WIPF3: variants seen among roughly 807,000 people sequenced by gnomAD.
The protein encoded by WIPF3 is WAS/WASL interacting protein family member 3.
Under a neutral mutation model 38.9 loss-of-function variants are expected in WIPF3, and 33 were observed. The observed-to-expected ratio is 0.85, with a 90% confidence interval of 0.64 to 1.14. WIPF3 has a LOEUF of 1.14. WIPF3 is among the 50% of genes most tolerant of loss of function. The probability of loss-of-function intolerance (pLI) is 0.00; values close to 1 mark genes in which losing one functional copy is unlikely to be tolerated. For missense variants in WIPF3, 711 were observed against 652.5 expected (o/e 1.09, Z -0.98); for synonymous variants, 324 against 269.3 (o/e 1.20, Z -1.99).
chr7:29,861,546 T>G (rs963488743), intron 2 of WIPF3, among the ~76,000 whole-genome samples: 1 of 152,240 alleles, frequency 6.6e-6, no homozygotes, highest in African/African-American at 2.4e-5. Flanking sequence ...TTATACTACC[T>G]TCTATTTGCC....
rs1562773463 is a variant in WIPF3, at chr7:29,834,760, T to TC, written c.38dup (p.Pro14ThrfsTer39). Reference sequence around the variant, plus strand: ...CACCGCCACCCCCACCTCCTCTGCCTCCACCTCCCCCGCCTCTGGGGGCTC... The same window carrying TC: ...CACCGCCACCCCCACCTCCTCTGCCTCCCACCTCCCCCGCCTCTGGGGGCTC... On this transcript the variant is annotated frameshift_variant, in exon 2 of 9. Transcript: ENST00000242140. LOFTEE classifies it high-confidence loss of function. 25 of 1,233,992 alleles carry TC rather than the reference T, an allele frequency of 2.0e-5. No individual in the cohort carries two copies. The highest frequency in any genetic ancestry group is 2.3e-5 in the Non-Finnish European group (22 of 957,174). The allele number at this position is 1,233,992 out of a possible 1,614,324, so 76.4% of individuals were successfully genotyped here.
intron 2 of WIPF3, among the ~76,000 whole-genome samples, chr7:29,855,432 A>G (rs541431881): frequency 4.6e-5 from 7 of 152,398 alleles, no homozygotes; most frequent in Admixed American, 2.6e-4. Flanking sequence ...ATCAATGGAC[A>G]GATATCTGCT....
chr7:29,891,168 A>C lies in WIPF3; in HGVS notation c.1351+1761A>C, dbSNP rs1303416002. Among the ~76,000 whole-genome samples the C allele has an allele frequency of 6.5e-3, 170 of 26,224 alleles. 4 individuals are homozygous for C. Among genetic ancestry groups the C allele is most frequent in the African/African-American group, 0.02 (161 of 8,178 alleles). 17.2% of individuals were successfully genotyped at this position (26,224 alleles called of 152,430 possible). A position where few individuals can be genotyped will look rare whatever the true frequency, so the allele number is the denominator to read the frequency against. On this transcript the variant is annotated intron_variant, in intron 7 of 8. Transcript: ENST00000242140. ...GCGGGCCTGCCCTGTGCTCAGGTGG[A>C]GGGGGCGCGGGCCTGCCCTGTGCTC...
rs774114027 is a variant in WIPF3, at chr7:29,884,539, C to G, written c.1045C>G (p.Pro349Ala). Residue 349 changes from proline to alanine, a missense_variant, in exon 5 of 9, where the codon CCT (proline) becomes GCT (alanine). Physicochemically the swap from Pro to Ala is conservative, Grantham distance 27. Transcript: ENST00000242140. The stretch of plus-strand genomic sequence containing the variant: ...CGGTGCGCAGGCCTTGCCCGCCCCG[C>G]CTGCCCCTCCGGGCTCCCAGCCGTT... The part of the protein sequence containing the change: ...KAGAQALPAP[P>A]APPGSQPFLQ... 2 of 1,598,904 alleles carry G rather than the reference C, an allele frequency of 1.3e-6. No individual in the cohort carries two copies. Among genetic ancestry groups the G allele is most frequent in the Non-Finnish European group, 1.7e-6 (2 of 1,174,164 alleles).
At chr7:29,807,303 C>T (rs1349964743) in intron 1 of WIPF3, among the ~76,000 whole-genome samples, 2 of 152,214 alleles carry the variant, frequency 1.3e-5, no homozygotes, top group African/African-American at 2.4e-5. Flanking sequence ...TGCTCATCTC[C>T]AAGCCCCTGG....
chr7:29,816,142 A>C (rs941598781), intron 1 of WIPF3, among the ~76,000 whole-genome samples: 3 of 152,244 alleles, frequency 2.0e-5, no homozygotes, highest in Admixed American at 2.0e-4. Context: ...CTGAGGTGGT[A>C]ATCCTGAACT....
intron 7 of WIPF3, among the ~76,000 whole-genome samples, chr7:29,892,047 C>T (rs1314552285): frequency 6.6e-6 from 1 of 152,202 alleles, no homozygotes; most frequent in Non-Finnish European, 1.5e-5. Context: ...ATATAACACC[C>T]CTTTCCCCAT....
intron 7 of WIPF3, among the ~76,000 whole-genome samples, chr7:29,901,869 A>G (rs1786288089): frequency 6.6e-6 from 1 of 151,798 alleles, no homozygotes; most frequent in Admixed American, 6.6e-5. Flanking sequence ...AAAGAAAAGA[A>G]AGAAAACCAG....
intron 8 of WIPF3, among the ~76,000 whole-genome samples, chr7:29,913,802 A>G (rs368115341): frequency 1.3e-5 from 2 of 152,322 alleles, no homozygotes; most frequent in South Asian, 2.1e-4. Flanking sequence ...TAGAATCTCC[A>G]GGGACAAGAA....
At chr7:29,824,017 C>G (rs1253777368) in intron 1 of WIPF3, among the ~76,000 whole-genome samples, 1 of 152,202 alleles carries the variant, frequency 6.6e-6, no homozygotes, top group African/African-American at 2.4e-5. Flanking sequence ...CAGACTAATA[C>G]ACCAAGGCAG....
In WIPF3 at chr7:29,823,412, T is replaced by C. The variant is rs569940242; in HGVS notation, c.-57-11256T>C. Among the ~76,000 whole-genome samples, 3 of 152,240 alleles carry C rather than the reference T, an allele frequency of 2.0e-5. No homozygotes were observed. Among genetic ancestry groups the C allele is most frequent in the South Asian group, 2.1e-4 (1 of 4,834 alleles). Reference sequence around the variant, plus strand: ...CCCACGCCGATAATGAGGTCTACCATTGGACAGAAACTTTGACAGTTCTCT... The same window carrying C: ...CCCACGCCGATAATGAGGTCTACCACTGGACAGAAACTTTGACAGTTCTCT... On this transcript the variant is annotated intron_variant, in intron 1 of 8. Coordinates refer to ENST00000242140, the MANE Select transcript of WIPF3 (RefSeq NM_001080529.3). The surrounding 1 kb of genome is among the most constrained non-coding windows in gnomAD (Gnocchi z 4.0).
At chr7:29,902,314 A>G (rs897117670) in intron 7 of WIPF3, among the ~76,000 whole-genome samples, 1 of 136,330 alleles carries the variant, frequency 7.3e-6, no homozygotes, top group Non-Finnish European at 1.5e-5. Context: ...TTAATAAACT[A>G]GCTAAAAATC....
rs1338946746 is a variant in WIPF3, at chr7:29,889,370, A to G, written c.1314A>G (p.Lys438=). Residue 438 remains lysine, a synonymous_variant, in exon 7 of 9, where the codon AAA becomes AAG. Coordinates refer to ENST00000242140, the MANE Select transcript of WIPF3 (RefSeq NM_001080529.3). ...ACTTTCCCCCTCCGGATGAATATAA[A>G]CCATGCCAGAAGATTTACCCCAGCA... ...VEDFPPPDEY[K]PCQKIYPSKI... 5.6e-6 allele frequency: 9 copies of G among 1,613,950 alleles called. No homozygotes were observed. Among genetic ancestry groups the G allele is most frequent in the Non-Finnish European group, 7.6e-6 (9 of 1,179,888 alleles).
intron 2 of WIPF3, among the ~76,000 whole-genome samples, chr7:29,848,790 G>A (rs902498714): frequency 2.6e-5 from 4 of 152,148 alleles, no homozygotes; most frequent in African/African-American, 9.7e-5. Flanking sequence ...GAGGGGGAAC[G>A]TGGGTTGTGG....
chr7:29,864,181 G>T (rs954202653), intron 2 of WIPF3, among the ~76,000 whole-genome samples: 1 of 152,080 alleles, frequency 6.6e-6, no homozygotes, highest in African/African-American at 2.4e-5. Flanking sequence ...TTTAAATCAG[G>T]TTGTTGAAGT....
chr7:29,838,277 G>A (rs948942280), intron 2 of WIPF3, among the ~76,000 whole-genome samples: 2 of 152,054 alleles, frequency 1.3e-5, no homozygotes, highest in African/African-American at 4.8e-5. Context: ...TATAACTCTT[G>A]GTGGGAGCAA....
intron 1 of WIPF3, among the ~76,000 whole-genome samples, chr7:29,825,197 G>A (rs182808680): frequency 2.0e-5 from 3 of 152,170 alleles, no homozygotes; most frequent in South Asian, 2.1e-4. Context: ...GTAAGTTTCC[G>A]TTGAATAATA....
At chr7:29,904,430 G>A in intron 8 of WIPF3, 68 bp downstream of exon 8, 1 of 1,501,320 alleles carries the variant, frequency 6.7e-7, no homozygotes, top group Non-Finnish European at 9.2e-7. Context: ...GAAATGGTAA[G>A]GGTATGCTTT....
rs181499075 is a variant in WIPF3, at chr7:29,916,995, T to C, written c.*2479T>C. The C allele has an allele frequency of 2.0e-5, 3 of 152,354 alleles. No individual in the cohort carries two copies. Among genetic ancestry groups the C allele is most frequent in the Non-Finnish European group, 4.4e-5 (3 of 68,034 alleles). The allele number at this position is 152,354 out of a possible 1,614,324, so 9.4% of individuals were successfully genotyped here. On this transcript the variant is annotated 3_prime_UTR_variant, in exon 9 of 9. Transcript: ENST00000242140. Reference sequence around the variant, plus strand: ...CTCCTCCAATGTTTCACGTGTATTTTATATTTATTGATGTCTCCTTCCGCA... The same window carrying C: ...CTCCTCCAATGTTTCACGTGTATTTCATATTTATTGATGTCTCCTTCCGCA...
Sources: allele counts gnomAD v4.1 joint callset (sites outside exome capture counted in the v4.1 genomes callset), GRCh38; gene constraint gnomAD v4.1.1; non-coding constraint Gnocchi (gnomAD v3.1); transcripts MANE v1.5; gene names NCBI Gene and HGNC (gene_info 2026-07-23, HGNC 2026-07-21).